ZFYVE26: variants seen among roughly 807,000 people sequenced by gnomAD.
ZFYVE26 encodes zinc finger FYVE domain-containing protein 26.
In ZFYVE26, 181 loss-of-function variants were observed where a neutral mutation model predicts 276.5. The ratio of observed to expected loss-of-function variants is 0.65; its 90% CI spans 0.58 to 0.74. The LOEUF (loss-of-function observed/expected upper bound fraction) is 0.74. Ranked by LOEUF, ZFYVE26 falls within the 30% of genes least tolerant of loss-of-function variation. The pLI is 0.00. For missense variants in ZFYVE26, 2,821 were observed against 3,097.9 expected, an observed-to-expected ratio of 0.91 and a Z score of 2.12; for synonymous variants, 1,129 against 1,203.1, an observed-to-expected ratio of 0.94 and a Z score of 1.27.
Position 67,778,307 on chromosome 14 carries a change from A to C in ZFYVE26, c.4675-59T>G, listed in dbSNP as rs2039404404. The C allele has an allele frequency of 8.1e-6, 13 of 1,611,126 alleles. No homozygotes were observed. The East Asian group carries it at 2.9e-4, about 36-fold the overall frequency. ...ACATGACTGCCTGATTCTTCTCAGC[A>C]GTCTTGAGTCTACAAAGCCCCAGGA... is the stretch of plus-strand genomic sequence containing the variant. On this transcript the variant is annotated intron_variant, in intron 23 of 41. Coordinates refer to ENST00000347230, the MANE Select transcript of ZFYVE26 (RefSeq NM_015346.4).
chr14:67,757,534 C>T (rs1419793514), intron 35 of ZFYVE26, among the ~76,000 whole-genome samples: 1 of 152,098 alleles, frequency 6.6e-6, no homozygotes, highest in African/African-American at 2.4e-5. Context: ...CAAGCCACCC[C>T]TTCCTCCTCC....
chr14:67,786,890 A>C (rs942468609), intron 16 of ZFYVE26, among the ~76,000 whole-genome samples: 1 of 152,240 alleles, frequency 6.6e-6, no homozygotes. Flanking sequence ...ATTAGCAACA[A>C]CTTGGATAGA....
rs146308319 is a variant in ZFYVE26 at position 67,761,532 on chromosome 14, G to A, written c.6422C>T (p.Thr2141Met). ...TLRELEATLR[T>M]QSLSLAVIPE... is the part of the protein sequence containing the mutation. ...AATCACTGCCAGAGAAAGGCTCTGC[G>A]TCCGAAGGGTAGCTTCCAGTTCCCT... Residue 2141 changes from threonine to methionine, a missense_variant, in exon 35 of 42, where the codon ACG becomes ATG. Coordinates refer to ENST00000347230, the MANE Select transcript of ZFYVE26 (RefSeq NM_015346.4). 2.3e-5 allele frequency: 37 copies of A among 1,614,194 alleles called. No individual in the cohort carries two copies. The highest frequency in any genetic ancestry group is 1.3e-4 in the East Asian group (6 of 44,892).
chr14:67,766,158 T>G (rs1019395732), intron 32 of ZFYVE26, 69 bp downstream of exon 32: 12 of 1,454,848 alleles, frequency 8.2e-6, no homozygotes, highest in Admixed American at 3.4e-5. Context: ...AAAATCACAG[T>G]GGGGTCAGAA....
downstream of ZFYVE26, among the ~76,000 whole-genome samples, chr14:67,746,325 G>C (rs577103410): frequency 7.2e-5 from 11 of 152,176 alleles, no homozygotes; most frequent in South Asian, 4.2e-4. Flanking sequence ...TCTGGTGGTA[G>C]AGGGTGCACT....
At chr14:67,774,548 G>A (rs1390132607) in intron 27 of ZFYVE26, among the ~76,000 whole-genome samples, 1 of 152,130 alleles carries the variant, frequency 6.6e-6, no homozygotes, top group East Asian at 1.9e-4. Flanking sequence ...ACAGTGCGGG[G>A]TAGTGCCAGA....
chr14:67,815,806 A>G lies in ZFYVE26; in HGVS notation c.158T>C (p.Ile53Thr). Reference protein sequence around the residue: ...QGDIPKRVEDILQALVVCPNL... With the variant: ...QGDIPKRVEDTLQALVVCPNL... Reference sequence around the variant, plus strand: ...TGGACACACCACCAATGCCTGAAGTATGTCTTCTACCCTCTTTGGGATATC... The same window carrying G: ...TGGACACACCACCAATGCCTGAAGTGTGTCTTCTACCCTCTTTGGGATATC... The change falls in exon 2 of 42, where the codon ATA (isoleucine) becomes ACA (threonine). Residue 53 changes from isoleucine (I) to threonine (T), a missense_variant. Ile to Thr is a moderately conservative substitution (Grantham distance 89, BLOSUM62 -1). Coordinates refer to ENST00000347230, the MANE Select transcript of ZFYVE26 (RefSeq NM_015346.4). 6.2e-7 allele frequency: 1 copy of G among 1,613,836 alleles called. No individual in the cohort carries two copies. The highest frequency in any genetic ancestry group is 8.5e-7 in the Non-Finnish European group (1 of 1,180,026).
At chr14:67,762,885 G>T (rs926977062) in intron 32 of ZFYVE26, 66 bp from the exon 33 acceptor site, 1 of 1,596,808 alleles carries the variant, frequency 6.3e-7, no homozygotes, top group East Asian at 2.2e-5. Flanking sequence ...GCCGCTTAAA[G>T]GTTTCCTATT....
At chr14:67,756,187 G>A (rs1473284772) in intron 35 of ZFYVE26, 42 bp from the exon 36 acceptor site, 15 of 1,601,974 alleles carry the variant, frequency 9.4e-6, no homozygotes, top group Non-Finnish European at 1.3e-5. Context: ...CTTGAGCCTG[G>A]TTCTGGCACT....
chr14:67,814,425 A>C (rs188114789), intron 2 of ZFYVE26, among the ~76,000 whole-genome samples: 18 of 152,298 alleles, frequency 1.2e-4, no homozygotes, highest in Admixed American at 3.9e-4. Context: ...AGGCTGAGGC[A>C]GGAGAATCGC....
rs753884120 is a variant in ZFYVE26 at position 67,755,908 on chromosome 14, C to T, written c.6786+40G>A. 1.1e-5 allele frequency: 18 copies of T among 1,612,808 alleles called. No individual in the cohort carries two copies. The Admixed American group carries it at 3.0e-4, about 27-fold the overall frequency. ...ACTGCCTCTCCTGCAGGGTGGGGCA[C>T]CAGCAACAGAGGTAGAAGGCAGGAA... On this transcript the variant is annotated intron_variant, in intron 36 of 41. Transcript: ENST00000347230.
At chr14:67,744,539 G>C (rs537417692), downstream of ZFYVE26, among the ~76,000 whole-genome samples, 12 of 152,214 alleles carry the variant, frequency 7.9e-5, no homozygotes, top group African/African-American at 2.6e-4. Flanking sequence ...CACGCATTAG[G>C]TATTTGTCCT....
At chr14:67,797,977 C>G in intron 11 of ZFYVE26, 37 bp downstream of exon 11, 1 of 1,613,520 alleles carries the variant, frequency 6.2e-7, no homozygotes, top group Non-Finnish European at 8.5e-7. Context: ...TTCTCCCTCT[C>G]CACCTTCTGG....
In ZFYVE26 at chr14:67,748,169, C is replaced by T. The variant is rs1425074669; in HGVS notation, c.*267G>A. On this transcript the variant is annotated 3_prime_UTR_variant, in exon 42 of 42. Coordinates refer to ENST00000347230, the MANE Select transcript of ZFYVE26 (RefSeq NM_015346.4). ...ACAGGAACATGCACACGTGTGTGCACACATACTCACTCACTCACTCTGAGG... is the reference window on the plus strand; with the variant it reads ...ACAGGAACATGCACACGTGTGTGCATACATACTCACTCACTCACTCTGAGG... 1.8e-6 allele frequency: 1 copy of T among 544,382 alleles called. No homozygotes were observed. The allele number at this position is 544,382 out of a possible 1,614,324, so 33.7% of individuals were successfully genotyped here.
intron 10 of ZFYVE26, chr14:67,799,042 A>G: frequency 8.5e-7 from 1 of 1,180,062 alleles, no homozygotes; most frequent in Non-Finnish European, 1.3e-6. Flanking sequence ...CCAGTGACAA[A>G]GAACAGAGAG....
In ZFYVE26 at chr14:67,767,779, T is replaced by C; in HGVS notation, c.5715A>G (p.Ala1905=). ...GATCCAAAATCCATTCCACCTCATC[T>C]GCTTTGGGGACTCTCACCACAAACG... is the stretch of plus-strand genomic sequence containing the variant. ...PYSFVVRVPK[A]DEVEWILDLK... The change falls in exon 31 of 42, where the codon GCA becomes GCG. Residue 1905 remains alanine (A), a synonymous_variant. Transcript: ENST00000347230. 1 of 1,614,220 alleles carries C rather than the reference T, an allele frequency of 6.2e-7. No individual in the cohort carries two copies. Among genetic ancestry groups the C allele is most frequent in the Non-Finnish European group, 8.5e-7 (1 of 1,180,046 alleles).
chr14:67,762,877 C>T (rs947126707), intron 32 of ZFYVE26, 58 bp from the exon 33 acceptor site: 27 of 1,603,970 alleles, frequency 1.7e-5, no homozygotes, highest in South Asian at 8.8e-5. Context: ...TAAGAGTAGC[C>T]GCTTAAAGGT....
At chr14:67,732,734 A>G (rs748951650) in intron 13 of ZFYVE26, among the ~76,000 whole-genome samples, 11 of 151,822 alleles carry the variant, frequency 7.2e-5, no homozygotes, top group Admixed American at 1.3e-4. Flanking sequence ...CCACCACCAC[A>G]CCCGGCTAAT....
chr14:67,746,462 A>G (rs1161818736), downstream of ZFYVE26: 1 of 152,198 alleles, frequency 6.6e-6, no homozygotes, highest in African/African-American at 2.4e-5. Flanking sequence ...TCTTTCCACA[A>G]GGAAAAAGGA....
Sources: allele counts gnomAD v4.1 joint callset (sites outside exome capture counted in the v4.1 genomes callset), GRCh38; gene constraint gnomAD v4.1.1; transcripts MANE v1.5; gene names NCBI Gene and HGNC (gene_info 2026-07-23, HGNC 2026-07-21).